The following TMTC4 variants were observed in gnomAD, a reference collection of about 807,000 sequenced individuals.
TMTC4 encodes transmembrane O-mannosyltransferase targeting cadherins 4.
TMTC4 carries 65 observed loss-of-function variants against 86.0 expected under a neutral mutation model. The ratio of observed to expected loss-of-function variants is 0.76; its 90% confidence interval spans 0.62 to 0.93. The LOEUF (loss-of-function observed/expected upper bound fraction) is 0.93, where lower values mean the gene tolerates loss of function less well. Among genes scored for constraint, TMTC4 ranks in the 40% least tolerant of loss-of-function variants. The pLI is 0.00. For synonymous variants in TMTC4, 379 were observed against 382.5 expected (o/e 0.99, Z 0.11); for missense variants, 866 against 948.1 (o/e 0.91, Z 1.14).
chr13:100,673,303 G>A (rs1241992803), intron 1 of TMTC4: 2 of 985,276 alleles, frequency 2.0e-6, no homozygotes, highest in Non-Finnish European at 2.4e-6. Context: ...ACAGAATGGC[G>A]AGACCAAACC....
intron 17 of TMTC4, among the ~76,000 whole-genome samples, chr13:100,608,558 G>C (rs1235617839): frequency 6.6e-6 from 1 of 152,220 alleles, no homozygotes; most frequent in Non-Finnish European, 1.5e-5. Flanking sequence ...CACGGGGGCA[G>C]CCCCTGGGCC....
At chr13:100,665,460 T>C (rs1886278171) in intron 3 of TMTC4, among the ~76,000 whole-genome samples, 1 of 152,208 alleles carries the variant, frequency 6.6e-6, no homozygotes, top group African/African-American at 2.4e-5. Context: ...CAGACCCTCC[T>C]GTGGCCTGGA....
At chr13:100,655,620 C>G (rs1199772580) in intron 6 of TMTC4, among the ~76,000 whole-genome samples, 3 of 152,160 alleles carry the variant, frequency 2.0e-5, no homozygotes, top group African/African-American at 7.2e-5. Context: ...ACCCTTACCC[C>G]AGGAAGAGAC....
intron 4 of TMTC4, 39 bp from the exon 5 acceptor site, chr13:100,663,219 G>A: frequency 1.9e-6 from 3 of 1,592,104 alleles, no homozygotes; most frequent in Non-Finnish European, 1.7e-6. Context: ...ACGCGCAGCG[G>A]CATGCGGCAA....
chr13:100,663,148 G>A lies in TMTC4; in HGVS notation c.368C>T (p.Pro123Leu). 3.1e-6 allele frequency: 5 copies of A among 1,614,234 alleles called. No individual in the cohort carries two copies. Among genetic ancestry groups the A allele is most frequent in the Non-Finnish European group, 4.2e-6 (5 of 1,180,044 alleles). ...INYYLSGGFH[P>L]VGFHVVNILL... The stretch of plus-strand genomic sequence containing the variant: ...GATGTTGACCACGTGAAAGCCCACG[G>A]GGTGGAAGCCTCCCGAGAGGTAGTA... Residue 123 changes from proline to leucine, a missense_variant, in exon 5 of 19, where the codon CCC becomes CTC. Coordinates refer to ENST00000342624, the MANE Select transcript of TMTC4 (RefSeq NM_032813.5).
intron 17 of TMTC4, among the ~76,000 whole-genome samples, chr13:100,610,940 A>G (rs1057421661): frequency 5.9e-5 from 9 of 152,244 alleles, no homozygotes; most frequent in South Asian, 2.1e-4. Flanking sequence ...ATTCATAAAA[A>G]CTAAAACTAA....
At chr13:100,634,002 T>C (rs944272896) in intron 12 of TMTC4, among the ~76,000 whole-genome samples, 2 of 152,018 alleles carry the variant, frequency 1.3e-5, no homozygotes, top group Non-Finnish European at 2.9e-5. Context: ...TAGCTGGGTG[T>C]GGTAGCAAGC....
intron 6 of TMTC4, among the ~76,000 whole-genome samples, chr13:100,651,723 A>C (rs1325408193): frequency 6.6e-6 from 1 of 152,180 alleles, no homozygotes; most frequent in Non-Finnish European, 1.5e-5. Flanking sequence ...TGAATCATTA[A>C]TTTCAGAGTA....
chr13:100,617,936 T>C (rs1233485653), intron 15 of TMTC4, among the ~76,000 whole-genome samples: 1 of 152,218 alleles, frequency 6.6e-6, no homozygotes, highest in Non-Finnish European at 1.5e-5. Flanking sequence ...AGTATGGCCA[T>C]TTTAACAATA....
At chr13:100,618,400 C>T (rs138757618) in intron 15 of TMTC4, among the ~76,000 whole-genome samples, 59 of 149,886 alleles carry the variant, frequency 3.9e-4, no homozygotes, top group African/African-American at 1.3e-3. Context: ...GAGTGGGCAT[C>T]CTTGCCTGGT....
chr13:100,662,832 TG>T, intron 5 of TMTC4, 131 bp downstream of exon 5: 1 of 856,262 alleles, frequency 1.2e-6, no homozygotes, highest in African/African-American at 1.7e-5. Context: ...GAGTATGTTG[TG>T]GAGTAGACTT....
chr13:100,617,654 G>C (rs1878727211), intron 15 of TMTC4, among the ~76,000 whole-genome samples: 1 of 152,108 alleles, frequency 6.6e-6, no homozygotes, highest in African/African-American at 2.4e-5. Context: ...TAGATGTGTG[G>C]CTTTATTTCT....
intron 2 of TMTC4, among the ~76,000 whole-genome samples, chr13:100,669,887 C>A (rs1180236612): frequency 6.6e-6 from 1 of 152,180 alleles, no homozygotes; most frequent in Non-Finnish European, 1.5e-5. Flanking sequence ...TGGCAACTTA[C>A]TTGACCTCTC....
chr13:100,667,935 A>T (rs560097970), intron 3 of TMTC4, among the ~76,000 whole-genome samples: 18 of 152,300 alleles, frequency 1.2e-4, no homozygotes, highest in African/African-American at 3.4e-4. Flanking sequence ...TAGGGAGTGG[A>T]AAAAGATTAC....
At position 100,612,394 on chromosome 13, in the gene TMTC4, G is replaced by C. The variant is rs373300384; in HGVS notation, c.2064+4C>G. On this transcript the variant is annotated splice_donor_region_variant and intron_variant, in intron 17 of 18. Transcript: ENST00000342624. ...CAAGAACTCACAGCCTGCGGTTTAC[G>C]CACCTTGTATTTCTGGGATTTCCCC... The C allele has an allele frequency of 1.2e-6, 2 of 1,600,708 alleles. No individual in the cohort carries two copies. The highest frequency in any genetic ancestry group is 4.5e-5 in the East Asian group (2 of 44,302).
intron 17 of TMTC4, among the ~76,000 whole-genome samples, chr13:100,610,691 A>G (rs765432392): frequency 1.1e-4 from 17 of 152,236 alleles, no homozygotes; most frequent in Non-Finnish European, 2.2e-4. Flanking sequence ...CATGAACTGG[A>G]AGCCAAACGA....
At chr13:100,621,191 TC>T (rs1879416317) in intron 15 of TMTC4, among the ~76,000 whole-genome samples, 1 of 152,236 alleles carries the variant, frequency 6.6e-6, no homozygotes, top group African/African-American at 2.4e-5. Context: ...TATTCTCCGT[TC>T]CTCCCTTTGG....
chr13:100,650,582 C>T (rs1296578774), intron 6 of TMTC4, among the ~76,000 whole-genome samples: 2 of 152,276 alleles, frequency 1.3e-5, no homozygotes, highest in Non-Finnish European at 2.9e-5. Context: ...TCTCTCTCTG[C>T]CAGAGCAACA....
At chr13:100,620,291 A>C (rs982560308) in intron 15 of TMTC4, among the ~76,000 whole-genome samples, 2 of 151,308 alleles carry the variant, frequency 1.3e-5, no homozygotes, top group African/African-American at 4.9e-5. Context: ...CTTTCCTCTT[A>C]CTCTCACTCT....
Sources: gnomAD v4.1 joint callset for allele counts (sites outside exome capture counted in the v4.1 genomes callset) on GRCh38, gnomAD v4.1.1 for gene constraint, MANE v1.5 for transcripts, NCBI Gene and HGNC (gene_info 2026-07-23, HGNC 2026-07-21) for gene names.